ANKRD13C: variants seen among roughly 807,000 people sequenced by gnomAD.
ANKRD13C encodes ankyrin repeat domain 13C, also known as ankyrin repeat domain-containing protein 13C.
In ANKRD13C, 16 loss-of-function variants were observed where a neutral mutation model predicts 65.5. The observed-to-expected ratio is 0.24, with a 90% CI of 0.17 to 0.37. The LOEUF (loss-of-function observed/expected upper bound fraction) is 0.37. Ranked by LOEUF, ANKRD13C falls within the 10% of genes least tolerant of loss-of-function variation. The probability of loss-of-function intolerance (pLI) is 1.00; values close to 1 mark genes in which losing one functional copy is unlikely to be tolerated. For missense variants in ANKRD13C, 503 were observed against 655.9 expected (o/e 0.77, Z 2.55); for synonymous variants, 235 against 238.7 (o/e 0.98, Z 0.14).
At chr1:70,316,919 T>C (rs1019229196) in intron 3 of ANKRD13C, among the ~76,000 whole-genome samples, 1 of 152,180 alleles carries the variant, frequency 6.6e-6, no homozygotes, top group East Asian at 1.9e-4. Context: ...CATATACATA[T>C]GCGTTCTGAG....
At chr1:70,297,778 T>G (rs1572079875) in intron 7 of ANKRD13C, among the ~76,000 whole-genome samples, 1 of 148,606 alleles carries the variant, frequency 6.7e-6, no homozygotes. Context: ...CCGGGCATGG[T>G]GGCACGCGCC....
In ANKRD13C at chr1:70,260,131, TCTA is replaced by T. The variant is rs1678339171; in HGVS notation, c.*2583_*2585del. Among the ~76,000 whole-genome samples the T allele has an allele frequency of 6.6e-6, 1 of 152,144 alleles. No individual in the cohort carries two copies. The highest frequency in any genetic ancestry group is 2.4e-5 in the African/African-American group (1 of 41,442). On this transcript the variant is annotated 3_prime_UTR_variant, in exon 13 of 13. Coordinates refer to ENST00000370944, the MANE Select transcript of ANKRD13C (RefSeq NM_030816.5). Reference sequence around the variant, plus strand: ...CTGAGCAGAAGGAAACAGTTTTTCATCTACTAACATGTATCAGCAGACAGATGT... The same window carrying T: ...CTGAGCAGAAGGAAACAGTTTTTCATCTAACATGTATCAGCAGACAGATGT...
rs1452354505 is a variant in ANKRD13C at position 70,270,849 on chromosome 1, C to A, written c.1495+7G>T. 6 of 1,565,998 alleles carry A rather than the reference C, an allele frequency of 3.8e-6. No individual in the cohort carries two copies. The highest frequency in any genetic ancestry group is 1.4e-5 in the African/African-American group (1 of 73,186). On this transcript the variant is annotated splice_region_variant and intron_variant, in intron 12 of 12. Coordinates refer to ENST00000370944, the MANE Select transcript of ANKRD13C (RefSeq NM_030816.5). The stretch of plus-strand genomic sequence containing the variant: ...ACACTAAAATTATATCTAATTTTTT[C>A]TCTTACCTAATTTTACAGGAAAGCC...
In ANKRD13C at chr1:70,354,313, A is replaced by AGCC. The variant is rs749281423; in HGVS notation, c.93_95dup (p.Ala33dup). 6.2e-7 allele frequency: 1 copy of AGCC among 1,613,926 alleles called. No homozygotes were observed. ...TTCTGGTAAAGGTACCGCCGAGGGCAGCCGCCGCTTCCTCATCCCCGGGCT... is the reference window on the plus strand; with the variant it reads ...TTCTGGTAAAGGTACCGCCGAGGGCAGCCGCCGCCGCTTCCTCATCCCCGGGCT... On this transcript the variant is annotated inframe_insertion, in exon 1 of 13. Coordinates refer to ENST00000370944, the MANE Select transcript of ANKRD13C (RefSeq NM_030816.5).
At chr1:70,346,622 C>G (rs947381743) in intron 1 of ANKRD13C, among the ~76,000 whole-genome samples, 1 of 152,148 alleles carries the variant, frequency 6.6e-6, no homozygotes, top group African/African-American at 2.4e-5. Flanking sequence ...TTTCTGCATT[C>G]TCTCTCAAAA....
intron 8 of ANKRD13C, 124 bp downstream of exon 8, chr1:70,296,006 G>T: frequency 2.8e-6 from 3 of 1,082,540 alleles, no homozygotes; most frequent in Non-Finnish European, 3.9e-6. Context: ...TGGATTCAAG[G>T]AAGAGAGAAA....
chr1:70,289,898 G>T (rs932388257), intron 9 of ANKRD13C, among the ~76,000 whole-genome samples: 2 of 152,084 alleles, frequency 1.3e-5, no homozygotes, highest in Non-Finnish European at 2.9e-5. Flanking sequence ...CTTTTGTCTG[G>T]CCAACAATGG....
chr1:70,299,165 A>G (rs1245237656), intron 7 of ANKRD13C, among the ~76,000 whole-genome samples: 2 of 152,318 alleles, frequency 1.3e-5, no homozygotes, highest in African/African-American at 4.8e-5. Context: ...GGGTGCAAAA[A>G]GAAAAGCATT....
chr1:70,279,568 C>T (rs1013165274), intron 9 of ANKRD13C, among the ~76,000 whole-genome samples: 4 of 143,770 alleles, frequency 2.8e-5, no homozygotes, highest in African/African-American at 7.7e-5. Context: ...TGCAGTGGCA[C>T]AATCTCGGTT....
chr1:70,274,473 CAAAAAA>C (rs769480539), intron 11 of ANKRD13C, among the ~76,000 whole-genome samples: 1 of 38,668 alleles, frequency 2.6e-5, no homozygotes, highest in African/African-American at 8.3e-5. Flanking sequence ...GACTCCATCT[CAAAAAA>C]AAAAAAAAAA....
rs1680187224 is a variant in ANKRD13C, at chr1:70,298,450, C to T, written c.922-2189G>A. 3.3e-5 allele frequency among the ~76,000 whole-genome samples: 5 copies of T among 152,076 alleles called. No individual in the cohort carries two copies. In the South Asian group the frequency reaches 1.0e-3, roughly 32 times the overall value. ...GGAATACTGCTCAAAATTTATCTTT[C>T]CTGTATTGTAGGCATTATAAAATAC... On this transcript the variant is annotated intron_variant, in intron 7 of 12. Coordinates refer to ENST00000370944, the MANE Select transcript of ANKRD13C (RefSeq NM_030816.5).
chr1:70,306,169 A>G, intron 6 of ANKRD13C, 55 bp downstream of exon 6: 1 of 1,301,210 alleles, frequency 7.7e-7, no homozygotes, highest in African/African-American at 1.5e-5. Context: ...AGGGAAAAAA[A>G]TCTTCCTCTA....
chr1:70,347,020 A>C (rs1275138617), intron 1 of ANKRD13C, among the ~76,000 whole-genome samples: 1 of 132,552 alleles, frequency 7.5e-6, no homozygotes, highest in Admixed American at 9.0e-5. Flanking sequence ...TGAACCGGGG[A>C]GGCGGAGCTT....
At chr1:70,344,416 G>GTCACACTATTGCAGGTGGTCTCAAAC (rs1682442368) in intron 1 of ANKRD13C, among the ~76,000 whole-genome samples, 2 of 151,388 alleles carry the variant, frequency 1.3e-5, no homozygotes, top group African/African-American at 4.9e-5. Flanking sequence ...CAGAGTCGTG[G>GTCACACTATTGCAGGTGGTCTCAAAC]TCACACTATT....
Position 70,313,736 on chromosome 1 carries a change from T to C in ANKRD13C, c.709+9A>G. ...ACATATTTTATACTAAAACATAGCA[T>C]ACTCTTACCCCAGCTTTGAAAATCC... On this transcript the variant is annotated intron_variant, in intron 5 of 12. Transcript: ENST00000370944. 1 of 1,600,382 alleles carries C rather than the reference T, an allele frequency of 6.2e-7. No individual in the cohort carries two copies. Among genetic ancestry groups the C allele is most frequent in the Non-Finnish European group, 8.6e-7 (1 of 1,168,732 alleles).
chr1:70,354,444 C>A lies in ANKRD13C; in HGVS notation c.-36G>T. The A allele has an allele frequency of 1.3e-6, 2 of 1,585,488 alleles. No homozygotes were observed. The highest frequency in any genetic ancestry group is 2.3e-5 in the South Asian group (2 of 87,220). On this transcript the variant is annotated 5_prime_UTR_variant, in exon 1 of 13. Transcript: ENST00000370944. The stretch of plus-strand genomic sequence containing the variant: ...AGGGGCAAGGGGGGGAATCGGGAGG[C>A]TCACCGCTGGCGACGGAGCTGGCGC...
At chr1:70,265,544 A>G (rs1448843022) in intron 12 of ANKRD13C, among the ~76,000 whole-genome samples, 1 of 152,106 alleles carries the variant, frequency 6.6e-6, no homozygotes, top group African/African-American at 2.4e-5. Flanking sequence ...AATACAGGCC[A>G]GGCACAGTGG....
chr1:70,315,553 C>T lies in ANKRD13C; in HGVS notation c.591G>A (p.Leu197=). 1 of 1,605,090 alleles carries T rather than the reference C, an allele frequency of 6.2e-7. No homozygotes were observed. The highest frequency in any genetic ancestry group is 8.5e-7 in the Non-Finnish European group (1 of 1,176,650). ...YGDRQMITAL[L]RKLKQQSRES... ...CCCTGGATTGCTGCTTAAGCTTCCT[C>T]AAAAGAGCTGTAACTAAAGTTTAAA... Residue 197 remains leucine, a synonymous_variant, in exon 4 of 13, where the codon TTG becomes TTA. Coordinates refer to ENST00000370944, the MANE Select transcript of ANKRD13C (RefSeq NM_030816.5).
intron 1 of ANKRD13C, among the ~76,000 whole-genome samples, chr1:70,349,864 GGTGGCTCATGCCTGTAATCCCA>G (rs1249302719): frequency 1.3e-5 from 2 of 152,224 alleles, no homozygotes; most frequent in Non-Finnish European, 2.9e-5. Context: ...GGCCGGGCAT[GGTGGCTCATGCCTGTAATCCCA>G]GCACTTTTGT....
Sources: gnomAD v4.1 joint callset for allele counts (sites outside exome capture counted in the v4.1 genomes callset) on GRCh38, gnomAD v4.1.1 for gene constraint, MANE v1.5 for transcripts, NCBI Gene and HGNC (gene_info 2026-07-23, HGNC 2026-07-21) for gene names.